Variants in KCNMA1 observed in about 807,000 individuals in gnomAD.
KCNMA1 encodes the protein Calcium-activated potassium channel subunit alpha-1.
KCNMA1 carries 29 observed loss-of-function variants against 140.0 expected under a neutral mutation model. The ratio of observed to expected loss-of-function variants is 0.21; its 90% CI spans 0.15 to 0.28. The LOEUF (loss-of-function observed/expected upper bound fraction) is 0.28, where lower values mean the gene tolerates loss of function less well. Among genes scored for constraint, KCNMA1 ranks in the 10% least tolerant of loss-of-function variants. The probability of loss-of-function intolerance (pLI) is 1.00; values close to 1 mark genes in which losing one functional copy is unlikely to be tolerated. For missense variants in KCNMA1, 880 were observed against 1,602.2 expected, an observed-to-expected ratio of 0.55 and a Z score of 7.70; for synonymous variants, 612 against 611.9, an observed-to-expected ratio of 1.00 and a Z score of 0.00.
intron 2 of KCNMA1, among the ~76,000 whole-genome samples, chr10:77,302,937 AG>A (rs890901736): frequency 6.6e-6 from 1 of 151,738 alleles, no homozygotes; most frequent in South Asian, 2.1e-4. Flanking sequence ...TTTGGTTTGC[AG>A]GGGGGGGTTT....
rs112494559 is a variant in KCNMA1, at chr10:77,383,867, A to C, written c.540+19995T>G. Among the ~76,000 whole-genome samples the C allele has an allele frequency of 7.3e-3, 1,107 of 152,312 alleles. 17 individuals are homozygous for C. Among genetic ancestry groups the C allele is most frequent in the African/African-American group, 0.023 (957 of 41,572 alleles). ...ACTACTACTCCCAGCTTTACAGCAC[A>C]CAGCAATTCATATTTCAGATGCTCA... On this transcript the variant is annotated intron_variant, in intron 2 of 27. Transcript: ENST00000286628.
Position 77,485,162 on chromosome 10 carries a change from C to A in KCNMA1, c.379-81139G>T, listed in dbSNP as rs556203044. Among the ~76,000 whole-genome samples, 83 of 152,320 alleles carry A rather than the reference C, an allele frequency of 5.4e-4. 1 individual carries two copies. Among genetic ancestry groups the A allele is most frequent in the Non-Finnish European group, 1.0e-3 (68 of 68,030 alleles). ...GACATAGGGAGCACTTCTGAATGAGCAACCCCCATCAGTGTCCACTCCCAC... is the reference window on the plus strand; with the variant it reads ...GACATAGGGAGCACTTCTGAATGAGAAACCCCCATCAGTGTCCACTCCCAC... On this transcript the variant is annotated intron_variant, in intron 1 of 27. Transcript: ENST00000286628.
chr10:77,467,820 T>G (rs762030421), intron 1 of KCNMA1, among the ~76,000 whole-genome samples: 3 of 152,246 alleles, frequency 2.0e-5, no homozygotes, highest in Admixed American at 6.5e-5. Flanking sequence ...GATTAGGTTA[T>G]GTACACATTC....
chr10:77,351,127 T>A (rs984828530), intron 2 of KCNMA1, among the ~76,000 whole-genome samples: 1 of 152,244 alleles, frequency 6.6e-6, no homozygotes, highest in Non-Finnish European at 1.5e-5. Flanking sequence ...GAGATACGAT[T>A]GCTTTTATTA....
At chr10:77,097,486 G>T (rs996591923) in intron 9 of KCNMA1, among the ~76,000 whole-genome samples, 1 of 152,114 alleles carries the variant, frequency 6.6e-6, no homozygotes, top group Non-Finnish European at 1.5e-5. Context: ...ATGCATCTTG[G>T]AGACTCTATC....
intron 2 of KCNMA1, among the ~76,000 whole-genome samples, chr10:77,302,434 T>G (rs1188619453): frequency 6.6e-6 from 1 of 152,110 alleles, no homozygotes; most frequent in Non-Finnish European, 1.5e-5. Flanking sequence ...CAATTCCCCC[T>G]ACAAGCATTG....
chr10:76,877,007 A>G (rs2032515916), downstream of KCNMA1: 1 of 152,694 alleles, frequency 6.5e-6, no homozygotes, highest in Non-Finnish European at 1.5e-5. Flanking sequence ...TGGTGTCCTT[A>G]GTTGGCCAGA....
chr10:77,575,405 G>T (rs1408371192), intron 1 of KCNMA1, among the ~76,000 whole-genome samples: 1 of 152,130 alleles, frequency 6.6e-6, no homozygotes, highest in Non-Finnish European at 1.5e-5. Context: ...GGACCAAACA[G>T]CCACCACATT....
At chr10:76,878,846 G>T (rs1302000312) in intron 29 of KCNMA1, among the ~76,000 whole-genome samples, 1 of 152,044 alleles carries the variant, frequency 6.6e-6, no homozygotes, top group Admixed American at 6.5e-5. Context: ...CTGGGAAATT[G>T]GCCATGTGTA....
At chr10:77,112,661 C>T (rs1224863833) in intron 6 of KCNMA1, among the ~76,000 whole-genome samples, 1 of 152,140 alleles carries the variant, frequency 6.6e-6, no homozygotes, top group African/African-American at 2.4e-5. Context: ...TAAAAATTAA[C>T]TTTTATTTAA....
rs147198441 is a variant in KCNMA1, at chr10:77,000,854, G to GAAAAAAAAAAAAAAAA, written c.2266+552_2266+553insTTTTTTTTTTTTTTTT. Among the ~76,000 whole-genome samples, 5 of 10,510 alleles carry GAAAAAAAAAAAAAAAA rather than the reference G, an allele frequency of 4.8e-4. 1 individual carries two copies. Among genetic ancestry groups the GAAAAAAAAAAAAAAAA allele is most frequent in the Admixed American group, 9.2e-4 (1 of 1,092 alleles). The allele number at this position is 10,510 out of a possible 152,430, so 6.9% of individuals were successfully genotyped here. Reference sequence around the variant, plus strand: ...ACAGGTTAGAGAGACATAGTAAAAAGAAAATATATATATATATATATATAT... The same window carrying GAAAAAAAAAAAAAAAA: ...ACAGGTTAGAGAGACATAGTAAAAAGAAAAAAAAAAAAAAAAAAAATATATATATATATATATATAT... On this transcript the variant is annotated intron_variant, in intron 19 of 27. Coordinates refer to ENST00000286628, the MANE Select transcript of KCNMA1 (RefSeq NM_001161352.2).
At chr10:77,600,715 G>C (rs947658070) in intron 1 of KCNMA1, among the ~76,000 whole-genome samples, 1 of 151,930 alleles carries the variant, frequency 6.6e-6, no homozygotes, top group Non-Finnish European at 1.5e-5. Context: ...CCATTGCACT[G>C]CAGCCTGGGT....
intron 20 of KCNMA1, among the ~76,000 whole-genome samples, chr10:76,958,045 TA>T (rs2069119620): frequency 6.6e-6 from 1 of 152,186 alleles, no homozygotes; most frequent in Non-Finnish European, 1.5e-5. Flanking sequence ...TCAAAGTTTC[TA>T]AAGCTTCTAT....
intron 2 of KCNMA1, among the ~76,000 whole-genome samples, chr10:77,291,289 C>T (rs1273825993): frequency 1.3e-5 from 2 of 152,132 alleles, no homozygotes; most frequent in South Asian, 2.1e-4. Flanking sequence ...AATGTACTTA[C>T]GGAACTTTGA....
chr10:77,078,439 C>T (rs76623528), intron 13 of KCNMA1, among the ~76,000 whole-genome samples: 380 of 152,322 alleles, frequency 2.5e-3, no homozygotes, highest in Admixed American at 4.1e-3. Context: ...CACAGGGAAA[C>T]AGCATAGACT....
chr10:77,406,123 G>A (rs2096464203), intron 1 of KCNMA1, among the ~76,000 whole-genome samples: 1 of 152,198 alleles, frequency 6.6e-6, no homozygotes, highest in South Asian at 2.1e-4. Context: ...ACATGTGTGG[G>A]ACCTGCTGCC....
chr10:77,204,064 CCAGCCTGGGGGACA>C (rs2043268407), intron 3 of KCNMA1, among the ~76,000 whole-genome samples: 1 of 150,790 alleles, frequency 6.6e-6, no homozygotes, highest in African/African-American at 2.4e-5. Context: ...TCACTGCATT[CCAGCCTGGGGGACA>C]CAGTGAGACT....
downstream of KCNMA1, among the ~76,000 whole-genome samples, chr10:76,880,831 T>C (rs1421897519): frequency 6.6e-6 from 1 of 152,218 alleles, no homozygotes; most frequent in Non-Finnish European, 1.5e-5. Flanking sequence ...TCATCTCACA[T>C]ACCAGAAAGA....
intron 3 of KCNMA1, among the ~76,000 whole-genome samples, chr10:77,223,946 CA>C (rs2050497301): frequency 6.6e-6 from 1 of 152,172 alleles, no homozygotes; most frequent in South Asian, 2.1e-4. Context: ...GAGCCTCTTC[CA>C]GCATGGACCC....
Sources: gnomAD v4.1 joint callset for allele counts (sites outside exome capture counted in the v4.1 genomes callset) on GRCh38, gnomAD v4.1.1 for gene constraint, MANE v1.5 for transcripts, NCBI Gene and HGNC (gene_info 2026-07-23, HGNC 2026-07-21) for gene names.